The following BNC2 variants were observed in gnomAD, a reference collection of about 807,000 sequenced individuals.
BNC2 encodes the protein basonuclin zinc finger protein 2.
A neutral mutation model predicts 76.3 loss-of-function variants in BNC2; 20 were observed. The observed-to-expected ratio is 0.26, with a 90% CI of 0.18 to 0.38. The LOEUF is 0.38. Ranked by LOEUF, BNC2 falls within the 10% of genes least tolerant of loss-of-function variation. BNC2 has a pLI of 1.00. For missense variants in BNC2, 1,382 were observed against 1,399.8 expected, an observed-to-expected ratio of 0.99 and a Z score of 0.20; for synonymous variants, 582 against 514.8, an observed-to-expected ratio of 1.13 and a Z score of -1.77.
chr9:16,639,251 A>G (rs1167027660), intron 3 of BNC2, among the ~76,000 whole-genome samples: 1 of 152,208 alleles, frequency 6.6e-6, no homozygotes, highest in Non-Finnish European at 1.5e-5. Context: ...ATGAAAATTT[A>G]TATTCATAAC....
At chr9:16,758,761 T>C (rs911976990) in intron 1 of BNC2, among the ~76,000 whole-genome samples, 4 of 152,206 alleles carry the variant, frequency 2.6e-5, no homozygotes, top group Admixed American at 1.3e-4. Flanking sequence ...TGAGAATTAA[T>C]AGCATTTCTA....
At chr9:16,773,359 T>A (rs1825878406) in intron 1 of BNC2, among the ~76,000 whole-genome samples, 1 of 152,052 alleles carries the variant, frequency 6.6e-6, no homozygotes, top group African/African-American at 2.4e-5. Context: ...ACAAAAAGCC[T>A]TTTTTCCCCT....
chr9:16,808,001 G>C (rs531448338), intron 1 of BNC2, among the ~76,000 whole-genome samples: 1 of 152,218 alleles, frequency 6.6e-6, no homozygotes, highest in South Asian at 2.1e-4. Flanking sequence ...AAGTTTCCTT[G>C]TCTGTAAAAT....
intron 3 of BNC2, among the ~76,000 whole-genome samples, chr9:16,674,677 C>G (rs1822583292): frequency 6.6e-6 from 1 of 152,064 alleles, no homozygotes; most frequent in African/African-American, 2.4e-5. Context: ...TTATAAACTC[C>G]TAGAGGGCAA....
intron 3 of BNC2, among the ~76,000 whole-genome samples, chr9:16,647,351 G>A (rs573831107): frequency 6.6e-6 from 1 of 152,018 alleles, no homozygotes; most frequent in South Asian, 2.1e-4. Context: ...TGGTACGGGT[G>A]GGGGCCGGTA....
chr9:16,615,558 G>C (rs900782117), intron 3 of BNC2, among the ~76,000 whole-genome samples: 2 of 152,034 alleles, frequency 1.3e-5, no homozygotes, highest in Admixed American at 1.3e-4. Context: ...GTTTCCTTCG[G>C]TTTACTACTC....
chr9:16,828,643 T>G (rs1335332989), intron 1 of BNC2, among the ~76,000 whole-genome samples: 3 of 152,222 alleles, frequency 2.0e-5, no homozygotes, highest in African/African-American at 7.2e-5. Context: ...ACAGACTCAC[T>G]TTATTAAACC....
intron 3 of BNC2, among the ~76,000 whole-genome samples, chr9:16,583,411 T>C (rs531452240): frequency 5.9e-5 from 9 of 152,302 alleles, no homozygotes; most frequent in African/African-American, 1.9e-4. Flanking sequence ...AGTATATTGC[T>C]GCTAATATAT....
At chr9:16,550,669 G>A (rs913433997) in intron 5 of BNC2, among the ~76,000 whole-genome samples, 3 of 152,180 alleles carry the variant, frequency 2.0e-5, no homozygotes, top group Non-Finnish European at 2.9e-5. Context: ...GTGTCTCTGC[G>A]TAGGTATACA....
chr9:16,471,971 A>AT lies in BNC2; in HGVS notation c.670-34448dup, dbSNP rs542341797. On this transcript the variant is annotated intron_variant, in intron 5 of 6. Coordinates refer to ENST00000380672, the MANE Select transcript of BNC2 (RefSeq NM_017637.6). ...GGCTTTCTGCTTTTGCTTCTTCCTC[A>AT]TTTTTTCTCTTGCCTCTGCCATGTA... is the stretch of plus-strand genomic sequence containing the variant. Among the ~76,000 whole-genome samples the AT allele has an allele frequency of 1.6e-4, 24 of 151,858 alleles. 1 individual carries two copies. In the South Asian group the frequency reaches 4.0e-3, roughly 25 times the overall value.
intron 3 of BNC2, among the ~76,000 whole-genome samples, chr9:16,695,231 A>G (rs1211492187): frequency 6.6e-6 from 1 of 152,200 alleles, no homozygotes; most frequent in Non-Finnish European, 1.5e-5. Flanking sequence ...TCACAAAAAG[A>G]CAGAGCTACT....
intron 3 of BNC2, among the ~76,000 whole-genome samples, chr9:16,611,812 G>T (rs760909213): frequency 8.5e-6 from 1 of 118,298 alleles, no homozygotes; most frequent in Non-Finnish European, 1.8e-5. Flanking sequence ...CAGAGTAAAG[G>T]AACAATTCTT....
chr9:16,576,833 G>C (rs904315468), intron 4 of BNC2, among the ~76,000 whole-genome samples: 1 of 152,180 alleles, frequency 6.6e-6, no homozygotes, highest in African/African-American at 2.4e-5. Flanking sequence ...CACCTCCTGG[G>C]TTTAAGCGAT....
intron 1 of BNC2, among the ~76,000 whole-genome samples, chr9:16,840,538 A>G (rs898378154): frequency 6.6e-6 from 1 of 152,208 alleles, no homozygotes; most frequent in Non-Finnish European, 1.5e-5. Context: ...CATGATGGCA[A>G]AAATACTGCA....
chr9:16,532,321 T>C (rs550084162), intron 5 of BNC2, among the ~76,000 whole-genome samples: 2 of 152,170 alleles, frequency 1.3e-5, no homozygotes, highest in East Asian at 3.9e-4. Context: ...TAAAAGACTC[T>C]GGTATTTTGC....
At chr9:16,556,633 T>C (rs545548768) in intron 4 of BNC2, among the ~76,000 whole-genome samples, 2 of 146,092 alleles carry the variant, frequency 1.4e-5, no homozygotes, top group African/African-American at 2.8e-5. Flanking sequence ...CTGGGCATGA[T>C]GGTGCGCGCC....
intron 1 of BNC2, among the ~76,000 whole-genome samples, chr9:16,788,789 G>C (rs1207330282): frequency 6.6e-6 from 1 of 152,086 alleles, no homozygotes; most frequent in African/African-American, 2.4e-5. Context: ...ACCCTGCCAA[G>C]GTTGACTTGC....
Position 16,738,500 on chromosome 9 carries a change from G to A in BNC2, c.4-15C>T. ...CCAAGGTGTGCCTATTGAGAGATTG[G>A]GAAAGGAAATTACATATGCCCAGAC... is the stretch of plus-strand genomic sequence containing the variant. On this transcript the variant is annotated splice_polypyrimidine_tract_variant and intron_variant, in intron 1 of 6. Transcript: ENST00000380672. 6.2e-7 allele frequency: 1 copy of A among 1,613,606 alleles called. No individual in the cohort carries two copies. Among genetic ancestry groups the A allele is most frequent in the Non-Finnish European group, 8.5e-7 (1 of 1,179,768 alleles).
chr9:16,518,960 TCAAA>T (rs1271963892), intron 5 of BNC2, among the ~76,000 whole-genome samples: 10 of 152,160 alleles, frequency 6.6e-5, no homozygotes, highest in South Asian at 2.1e-4. Context: ...GTTTGGTGAG[TCAAA>T]CAAACAAACA....
Sources: gnomAD v4.1 joint callset for allele counts (sites outside exome capture counted in the v4.1 genomes callset) on GRCh38, gnomAD v4.1.1 for gene constraint, MANE v1.5 for transcripts, NCBI Gene and HGNC (gene_info 2026-07-23, HGNC 2026-07-21) for gene names.